The following MED13 variants were observed in gnomAD, a reference collection of about 807,000 sequenced individuals.
MED13 encodes the protein mediator complex subunit 13.
MED13 carries 23 observed loss-of-function variants against 225.2 expected under a neutral mutation model. The observed-to-expected ratio is 0.10, with a 90% CI of 0.07 to 0.14. The LOEUF is 0.14. Among genes scored for constraint, MED13 ranks in the 10% least tolerant of loss-of-function variants. The pLI, the probability that MED13 is intolerant of heterozygous loss-of-function variation, is 1.00. For missense variants in MED13, 2,197 were observed against 2,594.5 expected (o/e 0.85, Z 3.33); for synonymous variants, 942 against 889.2 (o/e 1.06, Z -1.06).
At chr17:62,061,645 A>C (rs2081040073) in intron 2 of MED13, among the ~76,000 whole-genome samples, 1 of 152,258 alleles carries the variant, frequency 6.6e-6, no homozygotes, top group Non-Finnish European at 1.5e-5. Flanking sequence ...TAACGATTAA[A>C]ATAACTCAAA....
chr17:62,013,970 T>C (rs772574611), intron 8 of MED13, among the ~76,000 whole-genome samples: 47 of 151,692 alleles, frequency 3.1e-4, no homozygotes, highest in Non-Finnish European at 5.7e-4. Context: ...ACCCAGGAGG[T>C]GGAGGTTGCA....
At position 61,986,514 on chromosome 17, in the gene MED13, TA is replaced by T. The variant is rs1309143408; in HGVS notation, c.2385+492del. 5.3e-5 allele frequency among the ~76,000 whole-genome samples: 8 copies of T among 152,364 alleles called. No individual in the cohort carries two copies. The East Asian group carries it at 9.6e-4, about 18-fold the overall frequency. On this transcript the variant is annotated intron_variant, in intron 12 of 29. Coordinates refer to ENST00000397786, the MANE Select transcript of MED13 (RefSeq NM_005121.3). ...CAAATGGGTGTTAAAGATTAAATAT[TA>T]TTTTTTTCCTCTTTTATTGTTATAT...
chr17:62,029,362 A>C (rs755380750), intron 8 of MED13, 179 bp downstream of exon 8: 2 of 579,002 alleles, frequency 3.5e-6, no homozygotes, highest in East Asian at 2.8e-5. Context: ...CTGAAAGCTT[A>C]TATTTACATG....
At chr17:62,041,436 T>TTA (rs1385468782) in intron 3 of MED13, among the ~76,000 whole-genome samples, 2 of 152,164 alleles carry the variant, frequency 1.3e-5, no homozygotes, top group Non-Finnish European at 2.9e-5. Context: ...CACATTCAGT[T>TTA]TGGGATGATG....
At chr17:62,001,310 T>C (rs529683070) in intron 9 of MED13, among the ~76,000 whole-genome samples, 1 of 152,312 alleles carries the variant, frequency 6.6e-6, no homozygotes, top group East Asian at 1.9e-4. Flanking sequence ...CCACAGCATC[T>C]ATAACATTCA....
chr17:62,005,139 C>T (rs1412574057), intron 9 of MED13: 6 of 152,172 alleles, frequency 3.9e-5, no homozygotes, highest in African/African-American at 1.4e-4. Flanking sequence ...AGGTGATCCA[C>T]CCGCGTGGCC....
chr17:61,982,819 C>T lies in MED13; in HGVS notation c.3184G>A (p.Val1062Ile), dbSNP rs1388462887. 2 of 1,614,006 alleles carry T rather than the reference C, an allele frequency of 1.2e-6. No individual in the cohort carries two copies. The highest frequency in any genetic ancestry group is 1.3e-5 in the African/African-American group (1 of 74,906). Reference protein sequence around the residue: ...RPLNSVEPATVPSIPEAHSLY... With the variant: ...RPLNSVEPATIPSIPEAHSLY... ...CTGTGTGCTTCAGGGATGGAAGGGACAGTTGCAGGTTCAACAGAATTAAGG... is the reference window on the plus strand; with the variant it reads ...CTGTGTGCTTCAGGGATGGAAGGGATAGTTGCAGGTTCAACAGAATTAAGG... The change falls in exon 16 of 30, where the codon GTC becomes ATC. Residue 1062 changes from valine (V) to isoleucine (I), a missense_variant. By Grantham distance (29) the Val-to-Ile change is conservative (BLOSUM62 3). This residue lies in a region of MED13 where 99 missense variants were observed against 158.5 expected (regional missense o/e 0.62). Transcript: ENST00000397786.
At chr17:61,963,080 T>C in intron 20 of MED13, 109 bp from the exon 21 acceptor site, 5 of 764,574 alleles carry the variant, frequency 6.5e-6, no homozygotes, top group South Asian at 1.7e-5. Context: ...GTGAAAGGTG[T>C]CAGAAAGCCT....
intron 3 of MED13, among the ~76,000 whole-genome samples, chr17:62,039,966 G>A (rs899235149): frequency 7.9e-5 from 12 of 151,946 alleles, no homozygotes; most frequent in African/African-American, 2.4e-4. Context: ...CTATTCACAG[G>A]CACAGTCGCG....
chr17:61,984,881 A>ACATACATTT lies in MED13; in HGVS notation c.2477-25_2477-17dup. 2 of 1,598,360 alleles carry ACATACATTT rather than the reference A, an allele frequency of 1.3e-6. No homozygotes were observed. Among genetic ancestry groups the ACATACATTT allele is most frequent in the Non-Finnish European group, 8.5e-7 (1 of 1,170,150 alleles). On this transcript the variant is annotated splice_polypyrimidine_tract_variant and intron_variant, in intron 13 of 29. Coordinates refer to ENST00000397786, the MANE Select transcript of MED13 (RefSeq NM_005121.3). ...TCTGCAGTGCCTATATTTAATAAAA[A>ACATACATTT]CATACATTTTAACATGACTAAAAAT...
chr17:62,007,256 A>G (rs1304306679), intron 9 of MED13: 1 of 152,156 alleles, frequency 6.6e-6, no homozygotes, highest in East Asian at 1.9e-4. Context: ...CAAAAAAACA[A>G]AAAACAACCA....
intron 10 of MED13, among the ~76,000 whole-genome samples, chr17:61,993,926 C>T (rs1292275057): frequency 7.0e-6 from 1 of 141,884 alleles, no homozygotes; most frequent in Non-Finnish European, 1.5e-5. Context: ...AGCGAAACTC[C>T]GTCTCAAAAC....
chr17:61,982,839 T>G lies in MED13; in HGVS notation c.3164A>C (p.Asn1055Thr), dbSNP rs774537749. 1 of 1,614,170 alleles carries G rather than the reference T, an allele frequency of 6.2e-7. No individual in the cohort carries two copies. Among genetic ancestry groups the G allele is most frequent in the South Asian group, 1.1e-5 (1 of 91,074 alleles). The stretch of plus-strand genomic sequence containing the variant: ...AGGGACAGTTGCAGGTTCAACAGAA[T>G]TAAGGGGTCTGCATGTAGATGGGGT... ...ASTPSTCRPL[N>T]SVEPATVPSI... is the part of the protein sequence containing the mutation. The change falls in exon 16 of 30, where the codon AAT (asparagine) becomes ACT (threonine). Residue 1055 changes from asparagine to threonine, a missense_variant. Coordinates refer to ENST00000397786, the MANE Select transcript of MED13 (RefSeq NM_005121.3).
chr17:62,057,203 A>G (rs947725700), intron 2 of MED13, among the ~76,000 whole-genome samples: 1 of 152,232 alleles, frequency 6.6e-6, no homozygotes, highest in African/African-American at 2.4e-5. Flanking sequence ...GGTAGAAAAT[A>G]CCATGTATTT....
intron 9 of MED13, among the ~76,000 whole-genome samples, chr17:62,003,025 A>G (rs1388338161): frequency 2.6e-5 from 4 of 152,222 alleles, no homozygotes; most frequent in Non-Finnish European, 5.9e-5. Context: ...GTGATAACCA[A>G]AAATGTCTCT....
chr17:61,977,738 G>A (rs1023544844), intron 16 of MED13, among the ~76,000 whole-genome samples: 1 of 152,076 alleles, frequency 6.6e-6, no homozygotes, highest in Non-Finnish European at 1.5e-5. Context: ...ATGAGCCACC[G>A]TGCCCGGCCC....
intron 27 of MED13, among the ~76,000 whole-genome samples, chr17:61,952,201 A>G (rs1178610976): frequency 6.6e-6 from 1 of 152,086 alleles, no homozygotes; most frequent in Non-Finnish European, 1.5e-5. Context: ...CCCAGTATAT[A>G]TAATTTCAAA....
At chr17:61,979,545 A>G (rs2080185496) in intron 16 of MED13, among the ~76,000 whole-genome samples, 2 of 151,962 alleles carry the variant, frequency 1.3e-5, no homozygotes, top group Non-Finnish European at 2.9e-5. Context: ...CTGGGCTCAA[A>G]TGATCTGCCT....
chr17:61,961,253 G>A (rs112712875), intron 22 of MED13, among the ~76,000 whole-genome samples, 163 bp from the exon 23 acceptor site: 4 of 152,050 alleles, frequency 2.6e-5, no homozygotes, highest in Admixed American at 2.6e-4. Flanking sequence ...TGTTGGCAGG[G>A]CACGGTGGCT....
Sources: gnomAD v4.1 joint callset for allele counts (sites outside exome capture counted in the v4.1 genomes callset) on GRCh38, gnomAD v4.1.1 for gene constraint, gnomAD v4.1.1 regional missense constraint, MANE v1.5 for transcripts, NCBI Gene and HGNC (gene_info 2026-07-23, HGNC 2026-07-21) for gene names.